Variants in MED19 observed in about 807,000 individuals in gnomAD.
MED19 encodes the protein mediator of RNA polymerase II transcription subunit 19.
A neutral mutation model predicts 19.9 loss-of-function variants in MED19; 4 were observed. That is an observed-to-expected ratio of 0.20 (90% CI 0.10 to 0.46). The LOEUF is 0.46. Among genes scored for constraint, MED19 ranks in the 20% least tolerant of loss-of-function variants. MED19 has a pLI of 0.99. For synonymous variants in MED19, 139 were observed against 119.6 expected, an observed-to-expected ratio of 1.16 and a Z score of -1.06; for missense variants, 303 against 318.7, an observed-to-expected ratio of 0.95 and a Z score of 0.38.
intron 1 of MED19, among the ~76,000 whole-genome samples, chr11:57,705,587 G>A (rs1946499998): frequency 6.6e-6 from 1 of 151,474 alleles, no homozygotes; most frequent in African/African-American, 2.4e-5. Context: ...CCGGGAGGTG[G>A]AGGTTGCAGT....
chr11:57,710,189 C>A (rs1212055741), intron 1 of MED19, among the ~76,000 whole-genome samples: 1 of 152,142 alleles, frequency 6.6e-6, no homozygotes, highest in Non-Finnish European at 1.5e-5. Flanking sequence ...CAGTAAGACC[C>A]AGTCTCTACA....
intron 1 of MED19, among the ~76,000 whole-genome samples, chr11:57,709,852 C>T (rs965476775): frequency 3.3e-5 from 5 of 152,182 alleles, no homozygotes; most frequent in Non-Finnish European, 7.3e-5. Context: ...TGAGCCACAG[C>T]GCCTGGCCCT....
chr11:57,712,201 G>C, exon 1 of MED19: 2 of 1,495,730 alleles, frequency 1.3e-6, no homozygotes, highest in East Asian at 2.7e-5. Flanking sequence ...CCCCGGCGCT[G>C]TCTCCGTGTC....
At chr11:57,704,131 GAAC>G in intron 4 of MED19, 25 bp from the exon 5 acceptor site, 3 of 1,536,056 alleles carry the variant, frequency 2.0e-6, no homozygotes, top group Non-Finnish European at 2.6e-6. Flanking sequence ...AGCAGGGTAA[GAAC>G]AACTAGGAAC....
exon 1 of MED19, chr11:57,711,989 G>A (rs1946631615): frequency 1.3e-6 from 2 of 1,493,114 alleles, no homozygotes; most frequent in Non-Finnish European, 1.8e-6. Flanking sequence ...GAGGTAAAAA[G>A]GGCCACAGCC....
chr11:57,708,611 G>A (rs1018928688), intron 1 of MED19, among the ~76,000 whole-genome samples: 3 of 152,154 alleles, frequency 2.0e-5, no homozygotes, highest in East Asian at 1.9e-4. Flanking sequence ...TTGCTGTTGT[G>A]AGGCATGAGC....
At chr11:57,707,323 G>A (rs1946520715) in intron 1 of MED19, among the ~76,000 whole-genome samples, 1 of 152,048 alleles carries the variant, frequency 6.6e-6, no homozygotes, top group Non-Finnish European at 1.5e-5. Flanking sequence ...AGCAAGGGTA[G>A]AAATAGCTAA....
In MED19 at chr11:57,712,207, G is replaced by A. The variant is rs552859478; in HGVS notation, c.-28C>T. ...TACCCTCCGCCCCGGCGCTGTCTCCGTGTCTGCCGTTGGTAATTTTCATTG... is the reference window on the plus strand; with the variant it reads ...TACCCTCCGCCCCGGCGCTGTCTCCATGTCTGCCGTTGGTAATTTTCATTG... On this transcript the variant is annotated 5_prime_UTR_variant, in exon 1 of 5. In the 5' UTR this introduces an upstream ATG that the reference lacks. Coordinates refer to ENST00000431606, the Ensembl canonical transcript of MED19. 1 of 1,488,562 alleles carries A rather than the reference G, an allele frequency of 6.7e-7. No homozygotes were observed. Among genetic ancestry groups the A allele is most frequent in the Middle Eastern group, 2.5e-4 (1 of 4,072 alleles). The allele number at this position is 1,488,562 out of a possible 1,614,324, so 92.2% of individuals were successfully genotyped here.
At chr11:57,708,203 A>G (rs1946529323) in intron 1 of MED19, among the ~76,000 whole-genome samples, 1 of 152,162 alleles carries the variant, frequency 6.6e-6, no homozygotes, top group Non-Finnish European at 1.5e-5. Context: ...TCTCTATTTC[A>G]ATCCATGGCA....
chr11:57,704,103 G>T (rs1005482149), exon 5 of MED19: 2 of 1,536,144 alleles, frequency 1.3e-6, no homozygotes, highest in Admixed American at 2.0e-5. Flanking sequence ...GGACTATGTC[G>T]ATTCTGGGGG....
At position 57,704,330 on chromosome 11, in the gene MED19, CT is replaced by C; in HGVS notation, c.637del (p.Arg213GlyfsTer80). 6.5e-7 allele frequency: 1 copy of C among 1,535,372 alleles called. No individual in the cohort carries two copies. Among genetic ancestry groups the C allele is most frequent in the African/African-American group, 1.4e-5 (1 of 72,924 alleles). On this transcript the variant is annotated frameshift_variant, in exon 4 of 5. Coordinates refer to ENST00000431606, the Ensembl canonical transcript of MED19. LOFTEE classifies it high-confidence loss of function. ...CTTTTTCTTCTTCTCTTTCTTCTTCCTTTTCCGTTCAGGATCCTCTTCTTTT... is the reference window on the plus strand; with the variant it reads ...CTTTTTCTTCTTCTCTTTCTTCTTCCTTTCCGTTCAGGATCCTCTTCTTTT...
intron 1 of MED19, among the ~76,000 whole-genome samples, chr11:57,707,978 A>G (rs914204978): frequency 6.6e-6 from 1 of 151,834 alleles, no homozygotes; most frequent in Non-Finnish European, 1.5e-5. Context: ...GACTACATGC[A>G]TACACTGCCA....
chr11:57,704,474 A>G lies in MED19; in HGVS notation c.572-78T>C. 5.2e-6 allele frequency: 8 copies of G among 1,545,972 alleles called. No homozygotes were observed. In the South Asian group the frequency reaches 7.4e-5, roughly 14 times the overall value. ...TTATGAACCACTGAAGACTACAGGA[A>G]AATCCCAAGTCGGGGCAACTGCTTT... On this transcript the variant is annotated intron_variant, in intron 3 of 4. Transcript: ENST00000431606.
At chr11:57,704,941 C>T (rs1946490261) in intron 2 of MED19, 32 bp downstream of exon 2, 3 of 1,606,582 alleles carry the variant, frequency 1.9e-6, no homozygotes, top group South Asian at 1.1e-5. Flanking sequence ...TTTAGGCCTC[C>T]CCATTTGCCT....
rs780711817 is a variant in MED19 at position 57,706,732 on chromosome 11, C to CA, written c.218-1504dup. Among the ~76,000 whole-genome samples, 32 of 150,984 alleles carry CA rather than the reference C, an allele frequency of 2.1e-4. 1 individual carries two copies. The highest frequency in any genetic ancestry group is 1.5e-3 in the South Asian group (7 of 4,780). ...TGGGTGAGAGAGTGAGACCCTGTCT[C>CA]AAAAAAAACAAAACAAAACAAAACA... is the stretch of plus-strand genomic sequence containing the variant. On this transcript the variant is annotated intron_variant, in intron 1 of 4. Coordinates refer to ENST00000431606, the Ensembl canonical transcript of MED19.
exon 1 of MED19, chr11:57,712,180 C>G (rs777610055): frequency 1.3e-5 from 20 of 1,520,142 alleles, no homozygotes; most frequent in African/African-American, 2.8e-5. Context: ...AATTCTCCAT[C>G]GTACCCTCCG....
chr11:57,705,262 A>G, intron 1 of MED19, 33 bp from the exon 2 acceptor site: 1 of 1,605,004 alleles, frequency 6.2e-7, no homozygotes, highest in East Asian at 2.2e-5. Flanking sequence ...AAAAAAGATC[A>G]GTCTTCAAAG....
intron 1 of MED19, among the ~76,000 whole-genome samples, chr11:57,705,973 G>T (rs1433804176): frequency 6.6e-6 from 1 of 151,492 alleles, no homozygotes; most frequent in African/African-American, 2.4e-5. Context: ...ATGACCCAGT[G>T]ACTTAAGGGT....
rs912704244 is a variant in MED19 at position 57,711,942 on chromosome 11, T to G, written c.217+21A>C. On this transcript the variant is annotated intron_variant, in intron 1 of 4. Transcript: ENST00000431606. ...CTCTCTAAGATTTGATTGGCTGGCTTTGGCAAGGCCGAGTACTCACCTGGC... is the reference window on the plus strand; with the variant it reads ...CTCTCTAAGATTTGATTGGCTGGCTGTGGCAAGGCCGAGTACTCACCTGGC... The G allele has an allele frequency of 4.3e-6, 6 of 1,405,030 alleles. No homozygotes were observed. The South Asian group carries it at 9.5e-5, about 22-fold the overall frequency. 87.0% of individuals were successfully genotyped at this position (1,405,030 alleles called of 1,614,324 possible).
Sources: gnomAD v4.1 joint callset for allele counts (sites outside exome capture counted in the v4.1 genomes callset) on GRCh38, gnomAD v4.1.1 for gene constraint, MANE v1.5 for transcripts, NCBI Gene and HGNC (gene_info 2026-07-23, HGNC 2026-07-21) for gene names.